PSD3: variants seen among roughly 807,000 people sequenced by gnomAD.
PSD3 encodes pleckstrin and Sec7 domain containing 3.
In PSD3, 49 loss-of-function variants were observed where a neutral mutation model predicts 105.5. That is an observed-to-expected ratio of 0.46 (90% CI 0.37 to 0.59). The LOEUF is 0.59. Among genes scored for constraint, PSD3 ranks in the 20% least tolerant of loss-of-function variants. PSD3 has a pLI of 0.00. For missense variants in PSD3, 1,561 were observed against 1,263.8 expected, an observed-to-expected ratio of 1.24 and a Z score of -3.57; for synonymous variants, 557 against 457.8, an observed-to-expected ratio of 1.22 and a Z score of -2.77.
chr8:18,809,836 C>G (rs1435975634), intron 4 of PSD3, among the ~76,000 whole-genome samples: 2 of 151,548 alleles, frequency 1.3e-5, no homozygotes, highest in African/African-American at 2.4e-5. Flanking sequence ...TGATTCTTCT[C>G]TAACGTCCTC....
At chr8:19,053,491 C>A (rs1828600897) in intron 1 of PSD3, among the ~76,000 whole-genome samples, 1 of 152,120 alleles carries the variant, frequency 6.6e-6, no homozygotes, top group South Asian at 2.1e-4. Flanking sequence ...GGAAAAACAT[C>A]TGAAGCCTAA....
intron 9 of PSD3, among the ~76,000 whole-genome samples, chr8:18,664,503 C>G (rs1331223209): frequency 6.6e-6 from 1 of 152,172 alleles, no homozygotes; most frequent in African/African-American, 2.4e-5. Flanking sequence ...TTGAAGGTAA[C>G]AGATGTCGGT....
intron 13 of PSD3, among the ~76,000 whole-genome samples, chr8:18,573,649 A>G (rs1462695964): frequency 6.6e-6 from 1 of 152,242 alleles, no homozygotes; most frequent in Admixed American, 6.5e-5. Flanking sequence ...CAATACAGAT[A>G]AACTTCCAAA....
intron 1 of PSD3, among the ~76,000 whole-genome samples, chr8:19,080,823 A>G (rs1387697733): frequency 6.6e-6 from 1 of 152,226 alleles, no homozygotes; most frequent in Non-Finnish European, 1.5e-5. Context: ...AATGAGGGAC[A>G]TTAAAAAACT....
intron 8 of PSD3, among the ~76,000 whole-genome samples, chr8:18,793,784 C>T (rs145869056): frequency 2.6e-5 from 4 of 152,218 alleles, no homozygotes; most frequent in Non-Finnish European, 4.4e-5. Flanking sequence ...TCCTGCAGGA[C>T]GATGAGAGGA....
chr8:18,619,170 G>C (rs1260575393), intron 11 of PSD3, among the ~76,000 whole-genome samples: 1 of 151,980 alleles, frequency 6.6e-6, no homozygotes, highest in African/African-American at 2.4e-5. Flanking sequence ...ACCCCCTCTT[G>C]ACCAAAAGAA....
chr8:18,851,294 A>T (rs899807308), intron 4 of PSD3, among the ~76,000 whole-genome samples: 2 of 152,224 alleles, frequency 1.3e-5, no homozygotes, highest in African/African-American at 2.4e-5. Context: ...AGTTGAGCCT[A>T]CATCTTCCAA....
intron 8 of PSD3, among the ~76,000 whole-genome samples, chr8:18,768,055 G>A (rs1170899133): frequency 1.4e-5 from 2 of 146,716 alleles, no homozygotes; most frequent in African/African-American, 5.0e-5. Context: ...CGGATCACTT[G>A]AGGTCAGGAG....
intron 11 of PSD3, among the ~76,000 whole-genome samples, chr8:18,613,698 T>C (rs114154769): frequency 0.028 from 4,222 of 152,236 alleles, 60 homozygotes; most frequent in Non-Finnish European, 0.042. Flanking sequence ...CTGTGAAACA[T>C]AGAAAACGGC....
At chr8:18,680,593 T>C (rs1800328421) in intron 9 of PSD3, among the ~76,000 whole-genome samples, 1 of 152,180 alleles carries the variant, frequency 6.6e-6, no homozygotes, top group South Asian at 2.1e-4. Context: ...CAGATTTGCA[T>C]CCTGCCCATA....
intron 1 of PSD3, among the ~76,000 whole-genome samples, chr8:18,942,654 G>A (rs1822622078): frequency 6.6e-6 from 1 of 152,222 alleles, no homozygotes; most frequent in African/African-American, 2.4e-5. Flanking sequence ...GGCACACACT[G>A]AGAAAAGACC....
At position 18,871,699 on chromosome 8, in the gene PSD3, C is replaced by T. The variant is rs1473508292; in HGVS notation, c.1165G>A (p.Glu389Lys). The T allele has an allele frequency of 2.5e-6, 4 of 1,614,178 alleles. No individual in the cohort carries two copies. The highest frequency in any genetic ancestry group is 4.5e-5 in the East Asian group (2 of 44,872). ...FSPVRLDESG[E>K]DEVFLQENKQ... ...TTTTCCTGTAGGAAGACTTCATCCTCTCCACTCTCATCAAGACGCACAGGG... is the reference window on the plus strand; with the variant it reads ...TTTTCCTGTAGGAAGACTTCATCCTTTCCACTCTCATCAAGACGCACAGGG... Residue 389 changes from glutamate to lysine, a missense_variant, in exon 3 of 16, where the codon GAG becomes AAG. By Grantham distance (56) the Glu-to-Lys change is moderately conservative. Coordinates refer to ENST00000327040, the MANE Select transcript of PSD3 (RefSeq NM_015310.4).
At chr8:18,623,241 T>A (rs1222827615) in intron 11 of PSD3, among the ~76,000 whole-genome samples, 1 of 151,266 alleles carries the variant, frequency 6.6e-6, no homozygotes, top group African/African-American at 2.4e-5. Flanking sequence ...GTAATTTTCC[T>A]GTGCAGATTT....
chr8:18,945,883 A>C (rs1261373254), intron 1 of PSD3, among the ~76,000 whole-genome samples: 2 of 152,308 alleles, frequency 1.3e-5, no homozygotes, highest in African/African-American at 4.8e-5. Flanking sequence ...CTGAGACAGG[A>C]GAATCGCTTG....
At chr8:18,882,207 CAACAAACAAACA>C (rs35021958) in intron 2 of PSD3, among the ~76,000 whole-genome samples, 3 of 151,296 alleles carry the variant, frequency 2.0e-5, no homozygotes, top group Non-Finnish European at 4.4e-5. Flanking sequence ...GATTCTGTCT[CAACAAACAAACA>C]AACAAACAAA....
intron 1 of PSD3, among the ~76,000 whole-genome samples, chr8:18,975,221 G>C (rs1222441683): frequency 7.2e-5 from 11 of 151,930 alleles, no homozygotes; most frequent in African/African-American, 2.4e-4. Context: ...TAATATATCA[G>C]GGTACTTAAT....
rs746931460 is a variant in PSD3, at chr8:18,819,575, ATT to A, written c.1635-14679_1635-14678del. On this transcript the variant is annotated intron_variant, in intron 4 of 15. Coordinates refer to ENST00000327040, the MANE Select transcript of PSD3 (RefSeq NM_015310.4). ...TTCAAATTCTTTAAAATTAGAATGG[ATT>A]TTTTTTTTTTTTTTTTTTTGAGATG... 1.8e-3 allele frequency among the ~76,000 whole-genome samples: 205 copies of A among 111,270 alleles called. 1 individual carries two copies. Among genetic ancestry groups the A allele is most frequent in the Middle Eastern group, 0.011 (2 of 186 alleles). The allele number at this position is 111,270 out of a possible 152,430, so 73.0% of individuals were successfully genotyped here.
At chr8:18,699,219 C>T (rs10503629) in intron 9 of PSD3, among the ~76,000 whole-genome samples, 9,925 of 152,198 alleles carry the variant, frequency 0.065, 1,033 homozygotes, top group African/African-American at 0.22. Flanking sequence ...ACTCATTTTA[C>T]TTTTACAGGC....
At chr8:18,783,702 C>A (rs981482614) in intron 8 of PSD3, among the ~76,000 whole-genome samples, 5 of 152,194 alleles carry the variant, frequency 3.3e-5, no homozygotes, top group African/African-American at 1.2e-4. Flanking sequence ...GGCACAATCT[C>A]AGCTCACTGC....
Sources: gnomAD v4.1 joint callset for allele counts (sites outside exome capture counted in the v4.1 genomes callset) on GRCh38, gnomAD v4.1.1 for gene constraint, MANE v1.5 for transcripts, NCBI Gene and HGNC (gene_info 2026-07-23, HGNC 2026-07-21) for gene names.